Variants in ARID1B observed in about 807,000 individuals in gnomAD.
ARID1B encodes the protein AT-rich interactive domain-containing protein 1B.
In ARID1B, 30 loss-of-function variants were observed where a neutral mutation model predicts 212.3. The ratio of observed to expected loss-of-function variants is 0.14; its 90% CI spans 0.11 to 0.19. ARID1B has a LOEUF of 0.19. Among genes scored for constraint, ARID1B ranks in the 10% least tolerant of loss-of-function variants. The pLI is 1.00. For synonymous variants in ARID1B, 1,402 were observed against 1,301.7 expected, an observed-to-expected ratio of 1.08 and a Z score of -1.66; for missense variants, 2,891 against 3,204.0, an observed-to-expected ratio of 0.90 and a Z score of 2.36.
chr6:157,113,093 G>T (rs756157669), intron 6 of ARID1B, among the ~76,000 whole-genome samples: 2 of 151,940 alleles, frequency 1.3e-5, no homozygotes, highest in African/African-American at 2.4e-5. Flanking sequence ...GGCTAATTTT[G>T]TGTTTTTGGT....
intron 4 of ARID1B, chr6:157,022,979 C>T (rs1253668269): frequency 6.6e-6 from 1 of 151,944 alleles, no homozygotes; most frequent in African/African-American, 2.4e-5. Flanking sequence ...TAGTGTTTAC[C>T]GCACGTGTGA....
chr6:157,131,825 G>C (rs4242303), intron 6 of ARID1B, among the ~76,000 whole-genome samples: 21,128 of 152,064 alleles, frequency 0.14, 2,381 homozygotes, highest in East Asian at 0.52. Flanking sequence ...TGAGTAGCTG[G>C]GATTACAGGC....
intron 4 of ARID1B, among the ~76,000 whole-genome samples, chr6:156,950,649 C>T (rs992318088): frequency 2.6e-5 from 4 of 152,096 alleles, no homozygotes; most frequent in African/African-American, 7.2e-5. Context: ...TTTAGCGCTG[C>T]TCTTTCCGAG....
chr6:156,983,048 T>C (rs1254834107), intron 4 of ARID1B, among the ~76,000 whole-genome samples: 1 of 150,480 alleles, frequency 6.6e-6, no homozygotes, highest in Non-Finnish European at 1.5e-5. Context: ...TGAGCCGAGA[T>C]TGCACAACTG....
chr6:156,801,293 C>T (rs1382762566), intron 1 of ARID1B, among the ~76,000 whole-genome samples: 6 of 150,992 alleles, frequency 4.0e-5, no homozygotes, highest in African/African-American at 7.3e-5. Context: ...CTCTGCCTCC[C>T]GGTTTCAAGC....
chr6:157,094,011 C>T lies in ARID1B; in HGVS notation c.2491+9106C>T, dbSNP rs1202237756. On this transcript the variant is annotated intron_variant, in intron 5 of 19. Transcript: ENST00000636930. The surrounding 1 kb of genome is among the most constrained non-coding windows in gnomAD (Gnocchi z 4.3). The stretch of plus-strand genomic sequence containing the variant: ...AAGACAGGAAATACATAAATAACTA[C>T]ATACTTTATTGTCAGGTAGTCAAGG... Among the ~76,000 whole-genome samples the T allele has an allele frequency of 6.6e-6, 1 of 152,184 alleles. No individual in the cohort carries two copies. Among genetic ancestry groups the T allele is most frequent in the East Asian group, 1.9e-4 (1 of 5,202 alleles).
intron 9 of ARID1B, among the ~76,000 whole-genome samples, chr6:157,170,999 CTG>C (rs1791682136): frequency 6.6e-6 from 1 of 152,202 alleles, no homozygotes; most frequent in African/African-American, 2.4e-5. Context: ...ATGAAAAGAA[CTG>C]TGCATTTCTG....
chr6:156,780,062 G>A lies in ARID1B; in HGVS notation c.1791+591G>A, dbSNP rs116930691. 2.0e-5 allele frequency among the ~76,000 whole-genome samples: 3 copies of A among 152,252 alleles called. No homozygotes were observed. In the East Asian group the frequency reaches 5.8e-4, roughly 29 times the overall value. ...AGAGCCATTCAGAGACACTCGGTGCGGGCTTCGAGCTCGAACGTTTGCTGG... is the reference window on the plus strand; with the variant it reads ...AGAGCCATTCAGAGACACTCGGTGCAGGCTTCGAGCTCGAACGTTTGCTGG... On this transcript the variant is annotated intron_variant, in intron 1 of 19. Coordinates refer to ENST00000636930, the MANE Select transcript of ARID1B (RefSeq NM_001374828.1).
At chr6:157,077,856 A>G (rs1784403303) in intron 4 of ARID1B, among the ~76,000 whole-genome samples, 1 of 152,190 alleles carries the variant, frequency 6.6e-6, no homozygotes, top group Non-Finnish European at 1.5e-5. Flanking sequence ...CCCATCCCAC[A>G]GCACCAACTA....
intron 4 of ARID1B, among the ~76,000 whole-genome samples, chr6:156,962,480 C>T (rs1794452977): frequency 6.6e-6 from 1 of 152,018 alleles, no homozygotes; most frequent in Admixed American, 6.6e-5. Flanking sequence ...GTGGTGGGGA[C>T]GTGGAGGGAG....
Position 157,094,590 on chromosome 6 carries a change from C to T in ARID1B, c.2491+9685C>T, listed in dbSNP as rs540009440. Among the ~76,000 whole-genome samples the T allele has an allele frequency of 2.0e-3, 308 of 152,178 alleles. No individual in the cohort carries two copies. Among genetic ancestry groups the T allele is most frequent in the Non-Finnish European group, 3.1e-3 (210 of 68,012 alleles). ...GGCTGGTCTCGAACTCCTGACCTCT[C>T]GAAATCTGCCCATGTTGGCCTCCCA... On this transcript the variant is annotated intron_variant, in intron 5 of 19. Coordinates refer to ENST00000636930, the MANE Select transcript of ARID1B (RefSeq NM_001374828.1). This position sits in a 1 kb window ranked among gnomAD's most constrained non-coding sequence, Gnocchi z 4.3.
intron 1 of ARID1B, 89 bp downstream of exon 1, chr6:156,779,560 C>T (rs1779047042): frequency 3.5e-6 from 4 of 1,152,650 alleles, no homozygotes; most frequent in South Asian, 3.7e-5. Context: ...GTACTTTTCC[C>T]CGTCTTCCCG....
rs575502567 is a variant in ARID1B at position 157,013,435 on chromosome 6, C to T, written c.2248-71227C>T. On this transcript the variant is annotated intron_variant, in intron 4 of 19. Transcript: ENST00000636930. ...AGAATTCTGTGTTGCAACTGCTGTGCCCTGAAGTTGAGACCTCAGTTGAAG... is the reference window on the plus strand; with the variant it reads ...AGAATTCTGTGTTGCAACTGCTGTGTCCTGAAGTTGAGACCTCAGTTGAAG... Among the ~76,000 whole-genome samples, 6 of 152,236 alleles carry T rather than the reference C, an allele frequency of 3.9e-5. No individual in the cohort carries two copies. The South Asian group carries it at 1.2e-3, about 32-fold the overall frequency.
At chr6:157,180,461 C>T (rs1024632463) in intron 11 of ARID1B, among the ~76,000 whole-genome samples, 1 of 152,060 alleles carries the variant, frequency 6.6e-6, no homozygotes, top group African/African-American at 2.4e-5. Context: ...TATTTTTCAG[C>T]AAGCACCGTG....
chr6:156,830,716 C>G (rs1020986730), intron 2 of ARID1B, among the ~76,000 whole-genome samples: 1 of 151,476 alleles, frequency 6.6e-6, no homozygotes, highest in African/African-American at 2.4e-5. Flanking sequence ...TCGCTTGAGC[C>G]CAGGAGTTTG....
chr6:156,778,172 C>T lies in ARID1B; in HGVS notation c.492C>T (p.His164=), dbSNP rs763270155. 1.3e-6 allele frequency: 2 copies of T among 1,542,152 alleles called. No individual in the cohort carries two copies. The highest frequency in any genetic ancestry group is 2.4e-5 in the South Asian group (2 of 83,952). ...TVGEAPAAPP[H]QQHHHHHHAH... is the part of the protein sequence containing the mutation. ...GCGAAGCCCCCGCCGCGCCGCCCCACCAGCAGCACCACCACCACCACCATG... is the reference window on the plus strand; with the variant it reads ...GCGAAGCCCCCGCCGCGCCGCCCCATCAGCAGCACCACCACCACCACCATG... The change falls in exon 1 of 20, where the codon CAC becomes CAT. Residue 164 remains histidine, a synonymous_variant. Coordinates refer to ENST00000636930, the MANE Select transcript of ARID1B (RefSeq NM_001374828.1).
rs764716697 is a variant in ARID1B, at chr6:156,779,419, G to C, written c.1739G>C (p.Ser580Thr). 2.0e-6 allele frequency: 3 copies of C among 1,465,870 alleles called. No individual in the cohort carries two copies. The highest frequency in any genetic ancestry group is 2.7e-6 in the Non-Finnish European group (3 of 1,107,050). 90.8% of individuals were successfully genotyped at this position (1,465,870 alleles called of 1,614,324 possible). The change falls in exon 1 of 20, where the codon AGT becomes ACT. Residue 580 changes from serine (S) to threonine (T), a missense_variant. Around this residue, in one of 7 missense-constraint regions of ARID1B, gnomAD observed 1,643 missense variants for 1,544.0 expected, o/e 1.06. Coordinates refer to ENST00000636930, the MANE Select transcript of ARID1B (RefSeq NM_001374828.1). ...GCCTGGGCGGCCGCGCAACAAAGGA[G>C]TCACCCGGCGATGAGCCCCGGCACC... is the stretch of plus-strand genomic sequence containing the variant. ...SPAWAAAQQR[S>T]HPAMSPGTPG...
At chr6:157,103,327 AGTCTGAATTTTCT>A (rs1786216816) in intron 5 of ARID1B, among the ~76,000 whole-genome samples, 2 of 152,168 alleles carry the variant, frequency 1.3e-5, no homozygotes, top group Non-Finnish European at 2.9e-5. Context: ...GGAACCAAAC[AGTCTGAATTTTCT>A]GTCTGTATGG....
At chr6:157,061,227 T>G (rs754704653) in intron 4 of ARID1B, among the ~76,000 whole-genome samples, 1 of 152,246 alleles carries the variant, frequency 6.6e-6, no homozygotes, top group South Asian at 2.1e-4. Flanking sequence ...ATTGAGAGCC[T>G]GGCTGCATTT....
Sources: allele counts gnomAD v4.1 joint callset (sites outside exome capture counted in the v4.1 genomes callset), GRCh38; gene constraint gnomAD v4.1.1; regional missense constraint gnomAD v4.1.1; non-coding constraint Gnocchi (gnomAD v3.1); transcripts MANE v1.5; gene names NCBI Gene and HGNC (gene_info 2026-07-23, HGNC 2026-07-21).